LRRIQ1: variants seen among roughly 807,000 people sequenced by gnomAD.
LRRIQ1 encodes leucine rich repeats and IQ motif containing 1.
LRRIQ1 carries 210 observed loss-of-function variants against 211.9 expected under a neutral mutation model. That is an observed-to-expected ratio of 0.99 (90% CI 0.89 to 1.11). The LOEUF is 1.11. Ranked by LOEUF, LRRIQ1 falls within the 50% of genes most tolerant of loss-of-function variation. The pLI is 0.00. For synonymous variants in LRRIQ1, 699 were observed against 650.1 expected, an observed-to-expected ratio of 1.08 and a Z score of -1.14; for missense variants, 2,136 against 1,939.5, an observed-to-expected ratio of 1.10 and a Z score of -1.90.
chr12:85,063,139 T>C (rs777049759), intron 8 of LRRIQ1, among the ~76,000 whole-genome samples: 1 of 151,912 alleles, frequency 6.6e-6, no homozygotes, highest in Middle Eastern at 3.4e-3. Context: ...TTTTTCCCAT[T>C]CTGTAGGTTG....
At chr12:85,051,510 C>G (rs1302569168) in intron 6 of LRRIQ1, among the ~76,000 whole-genome samples, 1 of 152,056 alleles carries the variant, frequency 6.6e-6, no homozygotes, top group Non-Finnish European at 1.5e-5. Flanking sequence ...TAATAAGTGC[C>G]AAAAATGTTT....
At chr12:85,136,168 T>C (rs1472612894) in intron 18 of LRRIQ1, among the ~76,000 whole-genome samples, 2 of 133,264 alleles carry the variant, frequency 1.5e-5, no homozygotes, top group African/African-American at 6.2e-5. Flanking sequence ...CTGCGTGTAC[T>C]TGTGTATGTG....
At chr12:85,123,046 G>A (rs2136434983) in intron 16 of LRRIQ1, among the ~76,000 whole-genome samples, 1 of 152,070 alleles carries the variant, frequency 6.6e-6, no homozygotes, top group Non-Finnish European at 1.5e-5. Context: ...GAATGCATAA[G>A]TGGTGGTGAG....
intron 26 of LRRIQ1, among the ~76,000 whole-genome samples, chr12:85,241,832 A>C (rs1329647434): frequency 6.6e-6 from 1 of 152,010 alleles, no homozygotes; most frequent in Non-Finnish European, 1.5e-5. Context: ...AATTAATAAA[A>C]TCTTGTTTAT....
intron 24 of LRRIQ1, among the ~76,000 whole-genome samples, chr12:85,165,332 T>C: frequency 6.6e-6 from 1 of 152,072 alleles, no homozygotes; most frequent in Non-Finnish European, 1.5e-5. Flanking sequence ...CTATTGTTTC[T>C]GTCTTTGCGT....
Position 85,121,749 on chromosome 12 carries a change from C to T in LRRIQ1, c.3430C>T (p.Leu1144=), listed in dbSNP as rs765887578. Residue 1144 remains leucine (L), a synonymous_variant, in exon 16 of 27, where the codon CTA becomes TTA. Transcript: ENST00000393217. ...PALRILNGNI[L]NSNSESRTEE... ...TCTGAGAATCCTCAATGGCAATATA[C>T]TAAACTCTAATTCAGAAAGCCGCAC... 4 of 1,606,854 alleles carry T rather than the reference C, an allele frequency of 2.5e-6. 1 individual carries two copies. In the South Asian group the frequency reaches 4.5e-5, roughly 18 times the overall value.
At chr12:85,060,902 G>A (rs1023001780) in intron 8 of LRRIQ1, among the ~76,000 whole-genome samples, 3 of 151,820 alleles carry the variant, frequency 2.0e-5, no homozygotes, top group African/African-American at 7.2e-5. Flanking sequence ...ACAATGGGCT[G>A]TAAAGGATTT....
intron 24 of LRRIQ1, among the ~76,000 whole-genome samples, chr12:85,218,981 A>T (rs1894278828): frequency 6.6e-6 from 1 of 152,062 alleles, no homozygotes; most frequent in African/African-American, 2.4e-5. Flanking sequence ...AATATTATTT[A>T]TCTTAATCAC....
At chr12:85,222,059 G>A (rs1894430623) in intron 24 of LRRIQ1, among the ~76,000 whole-genome samples, 2 of 152,174 alleles carry the variant, frequency 1.3e-5, no homozygotes, top group South Asian at 4.1e-4. Context: ...GGTGAGAGGT[G>A]AGAAAGAATC....
intron 26 of LRRIQ1, among the ~76,000 whole-genome samples, chr12:85,235,441 G>A (rs1895131721): frequency 6.6e-6 from 1 of 152,278 alleles, no homozygotes; most frequent in African/African-American, 2.4e-5. Context: ...GGAAAATGGT[G>A]ACCTTCAATA....
Position 85,230,754 on chromosome 12 carries a change from A to T in LRRIQ1, c.4955+1105A>T, listed in dbSNP as rs796446456. ...AAAAGTGTTATTATAGGCATTTATT[A>T]AAAATGTAAGCTTGGCCGGGCGCGG... On this transcript the variant is annotated intron_variant, in intron 25 of 26. Coordinates refer to ENST00000393217, the MANE Select transcript of LRRIQ1 (RefSeq NM_001079910.2). 1.6e-4 allele frequency among the ~76,000 whole-genome samples: 24 copies of T among 152,314 alleles called. 1 individual carries two copies. Among genetic ancestry groups the T allele is most frequent in the African/African-American group, 5.3e-4 (22 of 41,574 alleles).
the LRRIQ1 span, among the ~76,000 whole-genome samples, chr12:85,269,526 A>T: frequency 1.3e-5 from 2 of 152,000 alleles, no homozygotes; most frequent in Non-Finnish European, 1.5e-5. Context: ...TTGATAGTTG[A>T]TTTTACATAT....
chr12:85,149,590 T>TAA (rs1047347819), intron 19 of LRRIQ1, among the ~76,000 whole-genome samples: 4 of 151,760 alleles, frequency 2.6e-5, no homozygotes, highest in Non-Finnish European at 2.9e-5. Context: ...ACATACATTT[T>TAA]AAAAAACAGT....
chr12:85,125,442 A>G (rs1438580796), intron 17 of LRRIQ1, among the ~76,000 whole-genome samples: 1 of 152,176 alleles, frequency 6.6e-6, no homozygotes, highest in East Asian at 1.9e-4. Flanking sequence ...TGGCCTGTCA[A>G]TTTCTTCTTG....
chr12:85,241,599 G>A (rs1895465074), intron 26 of LRRIQ1, among the ~76,000 whole-genome samples: 1 of 151,778 alleles, frequency 6.6e-6, no homozygotes, highest in Non-Finnish European at 1.5e-5. Context: ...AAAAAAGCAA[G>A]CAGCAGAAAA....
At position 85,037,512 on chromosome 12, in the gene LRRIQ1, C is replaced by T. The variant is rs544105827; in HGVS notation, c.-24-641C>T. 5.9e-5 allele frequency among the ~76,000 whole-genome samples: 9 copies of T among 151,342 alleles called. No homozygotes were observed. The South Asian group carries it at 1.7e-3, about 28-fold the overall frequency. Reference sequence around the variant, plus strand: ...TTTTTCTTTTCTTTTCTTTCTTTTCCTTTTTTTATTTTATTTTTTATTTTT... The same window carrying T: ...TTTTTCTTTTCTTTTCTTTCTTTTCTTTTTTTTATTTTATTTTTTATTTTT... On this transcript the variant is annotated intron_variant, in intron 1 of 26. Transcript: ENST00000393217.
At chr12:85,048,273 T>C (rs1879875769) in intron 6 of LRRIQ1, 1 of 152,208 alleles carries the variant, frequency 6.6e-6, no homozygotes, top group Admixed American at 6.5e-5. Flanking sequence ...AATAAACACA[T>C]TAAAGGCTGG....
intron 11 of LRRIQ1, among the ~76,000 whole-genome samples, chr12:85,088,732 T>G (rs1045762199): frequency 1.3e-5 from 2 of 152,176 alleles, no homozygotes; most frequent in Non-Finnish European, 2.9e-5. Context: ...TACTTATGAT[T>G]TGGCTCTCTG....
At chr12:85,204,096 A>G (rs1417049289) in intron 24 of LRRIQ1, among the ~76,000 whole-genome samples, 1 of 152,154 alleles carries the variant, frequency 6.6e-6, no homozygotes, top group Non-Finnish European at 1.5e-5. Flanking sequence ...CAGCTGCTTC[A>G]TTGTCCCATG....
Sources: gnomAD v4.1 joint callset for allele counts (sites outside exome capture counted in the v4.1 genomes callset) on GRCh38, gnomAD v4.1.1 for gene constraint, MANE v1.5 for transcripts, NCBI Gene and HGNC (gene_info 2026-07-23, HGNC 2026-07-21) for gene names.